The following SLIT2 variants were observed in gnomAD, a reference collection of about 807,000 sequenced individuals.
SLIT2 encodes slit guidance ligand 2, also known as slit homolog 2 protein.
A neutral mutation model predicts 185.7 loss-of-function variants in SLIT2; 41 were observed. That is an observed-to-expected ratio of 0.22 (90% CI 0.17 to 0.29). SLIT2 has a LOEUF of 0.29. SLIT2 is among the 10% of genes least tolerant of loss of function. SLIT2 has a pLI of 1.00. For synonymous variants in SLIT2, 693 were observed against 680.2 expected, an observed-to-expected ratio of 1.02 and a Z score of -0.29; for missense variants, 1,571 against 1,909.0, an observed-to-expected ratio of 0.82 and a Z score of 3.30.
intron 4 of SLIT2, among the ~76,000 whole-genome samples, chr4:20,316,284 T>A (rs868637223): frequency 1.3e-4 from 20 of 152,100 alleles, no homozygotes; most frequent in African/African-American, 4.6e-4. Context: ...TAGATTAAGG[T>A]TTTTTTACAT....
chr4:20,480,178 A>G (rs1242103925), intron 5 of SLIT2, among the ~76,000 whole-genome samples: 1 of 152,194 alleles, frequency 6.6e-6, no homozygotes. Flanking sequence ...AGCAAGCTAT[A>G]TGGGACATCA....
chr4:20,375,176 T>A (rs371893035), intron 4 of SLIT2, among the ~76,000 whole-genome samples: 21 of 152,202 alleles, frequency 1.4e-4, no homozygotes, highest in African/African-American at 4.6e-4. Context: ...TATTATGTTT[T>A]TAATGTTCAG....
At chr4:20,419,593 T>C (rs1354114599) in intron 4 of SLIT2, among the ~76,000 whole-genome samples, 1 of 152,038 alleles carries the variant, frequency 6.6e-6, no homozygotes, top group Admixed American at 6.6e-5. Context: ...CTCTCTGATA[T>C]TCAATTTTCC....
chr4:20,549,186 G>C (rs2148889073), intron 24 of SLIT2, 58 bp downstream of exon 24: 1 of 1,009,514 alleles, frequency 9.9e-7, no homozygotes, highest in Non-Finnish European at 1.5e-6. Flanking sequence ...GTTTGGGGTT[G>C]TCTTTTTAAG....
At chr4:20,489,042 G>A (rs1377101462) in intron 8 of SLIT2, 60 bp downstream of exon 8, 7 of 1,388,492 alleles carry the variant, frequency 5.0e-6, no homozygotes, top group Non-Finnish European at 7.1e-6. Context: ...GTAACAGAAT[G>A]TGAGGGCTGC....
intron 18 of SLIT2, 39 bp from the exon 19 acceptor site, chr4:20,539,402 T>C: frequency 1.3e-6 from 2 of 1,585,272 alleles, no homozygotes; most frequent in East Asian, 4.6e-5. Context: ...GATTGCCTGA[T>C]GCTTTGTCTC....
chr4:20,584,146 A>G (rs1363826956), intron 29 of SLIT2, among the ~76,000 whole-genome samples: 1 of 152,196 alleles, frequency 6.6e-6, no homozygotes, highest in African/African-American at 2.4e-5. Context: ...TTTTAGAGCC[A>G]CAGTTAACCT....
rs1355750462 is a variant in SLIT2, at chr4:20,618,750, C to T, written c.4349-18C>T. ...AGTGACTGTTCTTAAAATGCTTGTG[C>T]TTTTTGTTCTTTTCTAGAAATCTCT... On this transcript the variant is annotated intron_variant, in intron 36 of 36. Transcript: ENST00000504154. 1.3e-6 allele frequency: 2 copies of T among 1,569,694 alleles called. No homozygotes were observed. Among genetic ancestry groups the T allele is most frequent in the Non-Finnish European group, 1.7e-6 (2 of 1,150,766 alleles).
At chr4:20,593,283 A>G (rs1727659201) in intron 30 of SLIT2, among the ~76,000 whole-genome samples, 1 of 152,192 alleles carries the variant, frequency 6.6e-6, no homozygotes, top group Non-Finnish European at 1.5e-5. Flanking sequence ...GTGGAATTAT[A>G]TACGTGTTAA....
chr4:20,299,047 G>T (rs1185423470), intron 4 of SLIT2, among the ~76,000 whole-genome samples: 2 of 152,094 alleles, frequency 1.3e-5, no homozygotes, highest in Non-Finnish European at 2.9e-5. Context: ...TTGCAAAAAT[G>T]CAATTTGACA....
chr4:20,262,255 C>A (rs1712549852), intron 3 of SLIT2, among the ~76,000 whole-genome samples: 1 of 151,708 alleles, frequency 6.6e-6, no homozygotes, highest in Non-Finnish European at 1.5e-5. Context: ...GTTCTCCCTG[C>A]ATACACATAT....
chr4:20,474,326 C>T (rs1172680948), intron 5 of SLIT2, among the ~76,000 whole-genome samples: 7 of 151,972 alleles, frequency 4.6e-5, no homozygotes, highest in Admixed American at 4.6e-4. Context: ...GTCCATGGTT[C>T]TGTATTTTGC....
intron 4 of SLIT2, among the ~76,000 whole-genome samples, chr4:20,449,251 T>C: frequency 6.6e-6 from 1 of 152,156 alleles, no homozygotes; most frequent in South Asian, 2.1e-4. Flanking sequence ...CATTTTTCTA[T>C]TTATGCTTAC....
chr4:20,353,466 C>A (rs1057119306), intron 4 of SLIT2, among the ~76,000 whole-genome samples: 2 of 151,910 alleles, frequency 1.3e-5, no homozygotes, highest in Non-Finnish European at 2.9e-5. Flanking sequence ...CACAAATATT[C>A]TTTATGAATT....
At chr4:20,572,844 G>T (rs545590349) in intron 29 of SLIT2, among the ~76,000 whole-genome samples, 26 of 152,232 alleles carry the variant, frequency 1.7e-4, no homozygotes, top group Non-Finnish European at 2.9e-4. Context: ...CATGCAGATT[G>T]GGTGTGTAAA....
At chr4:20,341,915 T>G (rs1402894109) in intron 4 of SLIT2, among the ~76,000 whole-genome samples, 1 of 152,202 alleles carries the variant, frequency 6.6e-6, no homozygotes, top group Non-Finnish European at 1.5e-5. Flanking sequence ...GATGTTATAA[T>G]TTTCGCATGA....
intron 4 of SLIT2, among the ~76,000 whole-genome samples, chr4:20,333,274 G>T (rs1038237733): frequency 3.3e-5 from 5 of 152,074 alleles, no homozygotes; most frequent in African/African-American, 4.8e-5. Flanking sequence ...TGAGAACTTG[G>T]ATCTGTGCTA....
chr4:20,546,195 A>G (rs990181210), intron 22 of SLIT2, 96 bp downstream of exon 22: 5 of 640,420 alleles, frequency 7.8e-6, no homozygotes, highest in Non-Finnish European at 1.4e-5. Flanking sequence ...CAGATAATAC[A>G]AATCATTCAC....
intron 26 of SLIT2, among the ~76,000 whole-genome samples, chr4:20,554,589 GA>G (rs1323442696): frequency 1.3e-5 from 2 of 152,094 alleles, no homozygotes; most frequent in African/African-American, 4.8e-5. Flanking sequence ...TTTTCTGCAA[GA>G]AGAAATAAAA....
Sources: gnomAD v4.1 joint callset for allele counts (sites outside exome capture counted in the v4.1 genomes callset) on GRCh38, gnomAD v4.1.1 for gene constraint, MANE v1.5 for transcripts, NCBI Gene and HGNC (gene_info 2026-07-23, HGNC 2026-07-21) for gene names.